The following CNTN6 variants were observed in gnomAD, a reference collection of about 807,000 sequenced individuals.
CNTN6 encodes the protein contactin 6, also known as contactin-6.
CNTN6 carries 137 observed loss-of-function variants against 122.8 expected under a neutral mutation model. The observed-to-expected ratio is 1.12, with a 90% CI of 0.97 to 1.29. The LOEUF is 1.29. Ranked by LOEUF, CNTN6 falls within the 50% of genes most tolerant of loss-of-function variation. CNTN6 has a pLI of 0.00. For missense variants in CNTN6, 1,634 were observed against 1,223.4 expected (o/e 1.34, Z -5.01); for synonymous variants, 570 against 426.0 (o/e 1.34, Z -4.16).
intron 11 of CNTN6, among the ~76,000 whole-genome samples, chr3:1,350,141 G>C (rs2126067770): frequency 6.6e-6 from 1 of 151,936 alleles, no homozygotes; most frequent in South Asian, 2.1e-4. Flanking sequence ...AAATAGATCA[G>C]TACTTCTCAA....
chr3:1,166,763 C>G (rs932073989), intron 2 of CNTN6, among the ~76,000 whole-genome samples: 1 of 152,076 alleles, frequency 6.6e-6, no homozygotes, highest in African/African-American at 2.4e-5. Flanking sequence ...AGCCATCATT[C>G]TTAGCAGACT....
At chr3:1,321,271 A>G (rs1700805552) in intron 7 of CNTN6, among the ~76,000 whole-genome samples, 1 of 151,782 alleles carries the variant, frequency 6.6e-6, no homozygotes, top group South Asian at 2.1e-4. Flanking sequence ...AATTGACATA[A>G]TCTTGTTACT....
intron 4 of CNTN6, among the ~76,000 whole-genome samples, chr3:1,239,787 T>C (rs562699063): frequency 2.6e-5 from 4 of 152,274 alleles, no homozygotes; most frequent in South Asian, 4.1e-4. Flanking sequence ...TCTGAGGCCA[T>C]AGTCACCAAA....
intron 2 of CNTN6, among the ~76,000 whole-genome samples, chr3:1,165,807 T>G (rs1182422229): frequency 6.6e-6 from 1 of 152,216 alleles, no homozygotes; most frequent in Non-Finnish European, 1.5e-5. Context: ...AAGTTGTATT[T>G]TAGCACGGAC....
intron 20 of CNTN6, among the ~76,000 whole-genome samples, chr3:1,395,256 A>G (rs59825747): frequency 0.02 from 2,993 of 152,290 alleles, 110 homozygotes; most frequent in African/African-American, 0.068. Context: ...TATTCTATTA[A>G]TGGCCTTAAA....
Position 1,401,391 on chromosome 3 carries a change from G to A in CNTN6, c.2705-42G>A, listed in dbSNP as rs772737829. On this transcript the variant is annotated intron_variant, in intron 20 of 22. Coordinates refer to ENST00000446702, the MANE Select transcript of CNTN6 (RefSeq NM_001289080.2). ...TTGATGCATCATACTTTGACCATGA[G>A]CTAATTAACATTCATTTGGATCTTT... The A allele has an allele frequency of 4.0e-6, 6 of 1,501,582 alleles. No homozygotes were observed. The Admixed American group carries it at 8.5e-5, about 21-fold the overall frequency. The allele number at this position is 1,501,582 out of a possible 1,614,324, so 93.0% of individuals were successfully genotyped here. A position where few individuals can be genotyped will look rare whatever the true frequency, so the allele number is the denominator to read the frequency against.
chr3:1,333,588 G>T (rs558865208), intron 11 of CNTN6, among the ~76,000 whole-genome samples: 1 of 152,160 alleles, frequency 6.6e-6, no homozygotes, highest in South Asian at 2.1e-4. Flanking sequence ...TACATTTTTA[G>T]TTTCTGTTGT....
intron 12 of CNTN6, among the ~76,000 whole-genome samples, chr3:1,368,922 C>G (rs1708601201): frequency 1.3e-5 from 2 of 152,096 alleles, no homozygotes; most frequent in African/African-American, 4.8e-5. Flanking sequence ...GCACTTGGAC[C>G]CACAAATTAT....
chr3:1,324,423 A>G (rs1239905446), intron 8 of CNTN6, among the ~76,000 whole-genome samples: 2 of 149,562 alleles, frequency 1.3e-5, no homozygotes, highest in Non-Finnish European at 2.9e-5. Flanking sequence ...ATGTAACCTG[A>G]AGGAGTGTTG....
intron 19 of CNTN6, 32 bp downstream of exon 19, chr3:1,383,440 A>G (rs749123377): frequency 1.3e-6 from 2 of 1,541,670 alleles, no homozygotes; most frequent in East Asian, 2.2e-5. Flanking sequence ...TTTGCTTATG[A>G]ATGTGCCAAT....
At chr3:1,207,171 C>T (rs1258176373) in intron 2 of CNTN6, among the ~76,000 whole-genome samples, 1 of 152,036 alleles carries the variant, frequency 6.6e-6, no homozygotes, top group Non-Finnish European at 1.5e-5. Context: ...TGTCCTCCTC[C>T]CAACCCCCAG....
chr3:1,181,220 T>C (rs1305676582), intron 2 of CNTN6, among the ~76,000 whole-genome samples: 2 of 152,166 alleles, frequency 1.3e-5, no homozygotes, highest in African/African-American at 2.4e-5. Context: ...GATAAGATCA[T>C]TGAAGGTGAC....
intron 3 of CNTN6, 23 bp from the exon 4 acceptor site, chr3:1,227,795 C>CT: frequency 1.2e-6 from 2 of 1,610,102 alleles, no homozygotes; most frequent in Non-Finnish European, 1.7e-6. Flanking sequence ...ATTATAAGCA[C>CT]TTTATTTTTT....
chr3:1,182,423 G>C (rs151023682), intron 2 of CNTN6, among the ~76,000 whole-genome samples: 1 of 152,102 alleles, frequency 6.6e-6, no homozygotes. Context: ...TAGTTACTTG[G>C]TAGTTTATCT....
In CNTN6 at chr3:1,304,385, A is replaced by T. The variant is rs568879926; in HGVS notation, c.761+6394A>T. On this transcript the variant is annotated intron_variant, in intron 7 of 22. Transcript: ENST00000446702. ...TTAGATAAATTAAGTGACTTAACCA[A>T]TGTAAGTTGCATAAGTTGCATATCT... is the stretch of plus-strand genomic sequence containing the variant. Among the ~76,000 whole-genome samples the T allele has an allele frequency of 1.7e-3, 262 of 152,282 alleles. 3 individuals carry two copies. Among genetic ancestry groups the T allele is most frequent in the African/African-American group, 6.3e-3 (260 of 41,560 alleles).
chr3:1,093,935 T>A (rs994828165), intron 1 of CNTN6, among the ~76,000 whole-genome samples: 1 of 152,174 alleles, frequency 6.6e-6, no homozygotes, highest in Non-Finnish European at 1.5e-5. Context: ...TGAAAACTAC[T>A]TATGTTTAAA....
chr3:1,182,491 G>A (rs2093569201), intron 2 of CNTN6, among the ~76,000 whole-genome samples: 1 of 152,064 alleles, frequency 6.6e-6, no homozygotes, highest in African/African-American at 2.4e-5. Context: ...CCTAGGAAAG[G>A]ATGACAAACA....
At chr3:1,216,224 TC>T (rs1476762393) in intron 2 of CNTN6, among the ~76,000 whole-genome samples, 3 of 152,118 alleles carry the variant, frequency 2.0e-5, no homozygotes, top group Non-Finnish European at 4.4e-5. Flanking sequence ...ATAAGACCTT[TC>T]CATCTGTGTA....
rs1198918070 is a variant in CNTN6, at chr3:1,372,893, A to T, written c.1724A>T (p.Tyr575Phe). 3 of 1,610,522 alleles carry T rather than the reference A, an allele frequency of 1.9e-6. No individual in the cohort carries two copies. The African/African-American group carries it at 4.0e-5, about 22-fold the overall frequency. Reference protein sequence around the residue: ...RNIQLHHSGKYLCTVQTTLES... With the variant: ...RNIQLHHSGKFLCTVQTTLES... Reference sequence around the variant, plus strand: ...ATTCAGTTACATCATTCAGGAAAATATCTCTGCACAGTACAAACAACCCTA... The same window carrying T: ...ATTCAGTTACATCATTCAGGAAAATTTCTCTGCACAGTACAAACAACCCTA... The change falls in exon 14 of 23, where the codon TAT (tyrosine) becomes TTT (phenylalanine). Residue 575 changes from tyrosine (Y) to phenylalanine (F), a missense_variant. Physicochemically the swap from Tyr to Phe is conservative, Grantham distance 22. Coordinates refer to ENST00000446702, the MANE Select transcript of CNTN6 (RefSeq NM_001289080.2).
Sources: allele counts gnomAD v4.1 joint callset (sites outside exome capture counted in the v4.1 genomes callset), GRCh38; gene constraint gnomAD v4.1.1; transcripts MANE v1.5; gene names NCBI Gene and HGNC (gene_info 2026-07-23, HGNC 2026-07-21).